TUFT1: variants seen among roughly 807,000 people sequenced by gnomAD.
The protein encoded by TUFT1 is tuftelin.
Under a neutral mutation model 57.8 loss-of-function variants are expected in TUFT1, and 43 were observed. That is an observed-to-expected ratio of 0.74 (90% CI 0.58 to 0.96). The LOEUF (loss-of-function observed/expected upper bound fraction) is 0.96. TUFT1 is among the 40% of genes least tolerant of loss of function. The probability of loss-of-function intolerance (pLI) is 0.00; values close to 1 mark genes in which losing one functional copy is unlikely to be tolerated. For missense variants in TUFT1, 459 were observed against 489.0 expected (o/e 0.94, Z 0.58); for synonymous variants, 166 against 176.7 (o/e 0.94, Z 0.48).
chr1:151,574,153 A>G (rs1666360567), intron 7 of TUFT1, 117 bp from the exon 8 acceptor site: 3 of 1,313,014 alleles, frequency 2.3e-6, no homozygotes, highest in Non-Finnish European at 3.1e-6. Context: ...CAGTGTCACC[A>G]CCTTTCTCCC....
intron 9 of TUFT1, among the ~76,000 whole-genome samples, chr1:151,576,856 C>T (rs987441314): frequency 3.9e-5 from 6 of 152,162 alleles, no homozygotes; most frequent in Non-Finnish European, 1.5e-5. Flanking sequence ...AAATCCTGAC[C>T]TCAAGCAATC....
chr1:151,566,413 C>T (rs1487031416), intron 6 of TUFT1, among the ~76,000 whole-genome samples, 185 bp downstream of exon 6: 1 of 152,190 alleles, frequency 6.6e-6, no homozygotes, highest in Non-Finnish European at 1.5e-5. Context: ...CAATCTCTCT[C>T]CTTGCGAGTA....
At chr1:151,576,479 T>C (rs1298498638) in intron 9 of TUFT1, among the ~76,000 whole-genome samples, 1 of 152,206 alleles carries the variant, frequency 6.6e-6, no homozygotes, top group African/African-American at 2.4e-5. Context: ...AGACTGCCCC[T>C]GCTTCAGATG....
chr1:151,547,842 C>T (rs1665389459), intron 1 of TUFT1, among the ~76,000 whole-genome samples: 1 of 152,184 alleles, frequency 6.6e-6, no homozygotes, highest in Non-Finnish European at 1.5e-5. Flanking sequence ...CACTGCTAGG[C>T]CCTAGTGTTT....
chr1:151,549,255 C>G (rs185180026), intron 1 of TUFT1, among the ~76,000 whole-genome samples: 5 of 152,308 alleles, frequency 3.3e-5, no homozygotes, highest in Admixed American at 3.3e-4. Context: ...TCCCTGGAGC[C>G]TGCTCATAGT....
rs147839657 is a variant in TUFT1 at position 151,574,340 on chromosome 1, T to C, written c.665T>C (p.Val222Ala). The change falls in exon 8 of 13, where the codon GTG becomes GCG. Residue 222 changes from valine to alanine, a missense_variant. Val to Ala is a moderately conservative substitution (Grantham distance 64, BLOSUM62 0). Transcript: ENST00000368849. The stretch of plus-strand genomic sequence containing the variant: ...GCCCTTCAGAGAGAGGAGGACAGAG[T>C]GGAGCAGAAAGAGGCAGAAGTCGGA... Reference protein sequence around the residue: ...NVALQREEDRVEQKEAEVGEL... With the variant: ...NVALQREEDRAEQKEAEVGEL... 2.7e-4 allele frequency: 433 copies of C among 1,613,558 alleles called. No homozygotes were observed. Among genetic ancestry groups the C allele is most frequent in the South Asian group, 9.1e-4 (83 of 91,056 alleles).
At chr1:151,547,139 C>T (rs1053313523) in intron 1 of TUFT1, among the ~76,000 whole-genome samples, 1 of 152,166 alleles carries the variant, frequency 6.6e-6, no homozygotes, top group Non-Finnish European at 1.5e-5. Context: ...CCCATCTCTC[C>T]CATTTATTGC....
At chr1:151,543,523 A>G (rs750133904) in intron 1 of TUFT1, among the ~76,000 whole-genome samples, 7 of 152,168 alleles carry the variant, frequency 4.6e-5, no homozygotes, top group Non-Finnish European at 1.0e-4. Context: ...CTTTGGTTAT[A>G]AACAACAGAG....
rs1666703696 is a variant in TUFT1 at position 151,583,429 on chromosome 1, A to G, written c.*1722A>G. On this transcript the variant is annotated 3_prime_UTR_variant, in exon 13 of 13. Coordinates refer to ENST00000368849, the MANE Select transcript of TUFT1 (RefSeq NM_020127.3). ...CTGGGCTCACATTCTGGCTTTGTCC[A>G]TAACAATGCTCTGGGATTTCAGGGA... 6.6e-6 allele frequency: 1 copy of G among 152,224 alleles called. No individual in the cohort carries two copies. The highest frequency in any genetic ancestry group is 2.1e-4 in the South Asian group (1 of 4,830). The allele number at this position is 152,224 out of a possible 1,614,324, so 9.4% of individuals were successfully genotyped here.
chr1:151,558,451 A>G (rs1019771552), intron 1 of TUFT1, among the ~76,000 whole-genome samples: 1 of 151,974 alleles, frequency 6.6e-6, no homozygotes, highest in Non-Finnish European at 1.5e-5. Context: ...CATGAATTTC[A>G]TGTTTATTCT....
chr1:151,550,405 C>T (rs573636331), intron 1 of TUFT1, among the ~76,000 whole-genome samples: 12 of 152,144 alleles, frequency 7.9e-5, no homozygotes, highest in African/African-American at 2.6e-4. Flanking sequence ...AGTGCAATGG[C>T]GTGATCTTGG....
At chr1:151,558,781 C>CTTTTTTTTT (rs56003478) in intron 1 of TUFT1, among the ~76,000 whole-genome samples, 1 of 142,056 alleles carries the variant, frequency 7.0e-6, no homozygotes, top group Non-Finnish European at 1.5e-5. Context: ...AGATAGTGTC[C>CTTTTTTTTT]TTTTTTTTTT....
chr1:151,554,704 T>C (rs1571693098), intron 1 of TUFT1, among the ~76,000 whole-genome samples: 1 of 131,518 alleles, frequency 7.6e-6, no homozygotes, highest in Non-Finnish European at 1.6e-5. Flanking sequence ...CCTTTTTTTT[T>C]TTTTTTTTTT....
intron 1 of TUFT1, chr1:151,557,659 A>G: frequency 1.0e-6 from 1 of 961,018 alleles, no homozygotes; most frequent in South Asian, 1.3e-5. Context: ...GTACGTTACC[A>G]ATGAGGGCAT....
chr1:151,545,734 C>G lies in TUFT1; in HGVS notation c.60+5308C>G, dbSNP rs1002145374. On this transcript the variant is annotated intron_variant, in intron 1 of 12. Transcript: ENST00000368849. ...TTCTCGTTTCCTTGATGATCCAGGTCCCTCAACCAGTGGAGAGTCCCAGGG... is the reference window on the plus strand; with the variant it reads ...TTCTCGTTTCCTTGATGATCCAGGTGCCTCAACCAGTGGAGAGTCCCAGGG... The G allele has an allele frequency of 4.2e-5, 19 of 451,480 alleles. 1 individual carries two copies. The East Asian group carries it at 5.0e-4, about 12-fold the overall frequency. The allele number at this position is 451,480 out of a possible 1,614,324, so 28.0% of individuals were successfully genotyped here.
chr1:151,547,141 A>G (rs944249653), intron 1 of TUFT1, among the ~76,000 whole-genome samples: 22 of 152,132 alleles, frequency 1.4e-4, no homozygotes, highest in Non-Finnish European at 2.8e-4. Flanking sequence ...CATCTCTCCC[A>G]TTTATTGCCA....
Position 151,582,090 on chromosome 1 carries a change from T to C in TUFT1, c.*383T>C, listed in dbSNP as rs1354443083. ...CAAGATTTGCCTCAGCCCTAAAAGC[T>C]GGAGACACAGATGTCCAGAGTGATT... On this transcript the variant is annotated 3_prime_UTR_variant, in exon 13 of 13. Transcript: ENST00000368849. 3 of 489,204 alleles carry C rather than the reference T, an allele frequency of 6.1e-6. No homozygotes were observed. The highest frequency in any genetic ancestry group is 3.0e-4 in the Middle Eastern group (1 of 3,298). The allele number at this position is 489,204 out of a possible 1,614,324, so 30.3% of individuals were successfully genotyped here.
chr1:151,580,940 A>T lies in TUFT1; in HGVS notation c.1009-2A>T. On this transcript the variant is annotated splice_acceptor_variant, in intron 11 of 12. Transcript: ENST00000368849. LOFTEE classifies it high-confidence loss of function. Reference sequence around the variant, plus strand: ...ACTCTAACCCCTAAGCTTGTGTTACAGAATTTAGAGATGCATGACCGGATG... The same window carrying T: ...ACTCTAACCCCTAAGCTTGTGTTACTGAATTTAGAGATGCATGACCGGATG... The T allele has an allele frequency of 1.2e-6, 2 of 1,614,132 alleles. No homozygotes were observed. Among genetic ancestry groups the T allele is most frequent in the East Asian group, 4.5e-5 (2 of 44,878 alleles).
intron 7 of TUFT1, among the ~76,000 whole-genome samples, 199 bp from the exon 8 acceptor site, chr1:151,574,071 C>T (rs184894948): frequency 4.6e-5 from 7 of 152,200 alleles, no homozygotes; most frequent in Admixed American, 2.0e-4. Flanking sequence ...GCCAGTTAAC[C>T]CTGGAAATAG....
Sources: gnomAD v4.1 joint callset for allele counts (sites outside exome capture counted in the v4.1 genomes callset) on GRCh38, gnomAD v4.1.1 for gene constraint, MANE v1.5 for transcripts, NCBI Gene and HGNC (gene_info 2026-07-23, HGNC 2026-07-21) for gene names.